The following ALOX12B variants were observed in gnomAD, a reference collection of about 807,000 sequenced individuals.
ALOX12B encodes arachidonate 12-lipoxygenase, 12R-type.
A neutral mutation model predicts 78.9 loss-of-function variants in ALOX12B; 47 were observed. The observed-to-expected ratio is 0.60, with a 90% CI of 0.47 to 0.76. The LOEUF is 0.76. Among genes scored for constraint, ALOX12B ranks in the 30% least tolerant of loss-of-function variants. The pLI is 0.00. For missense variants in ALOX12B, 805 were observed against 922.6 expected, an observed-to-expected ratio of 0.87 and a Z score of 1.65; for synonymous variants, 370 against 374.5, an observed-to-expected ratio of 0.99 and a Z score of 0.14.
At chr17:8,083,266 TAAA>T (rs1000301526) in intron 2 of ALOX12B, among the ~76,000 whole-genome samples, 1 of 152,162 alleles carries the variant, frequency 6.6e-6, no homozygotes, top group African/African-American at 2.4e-5. Flanking sequence ...AGCTTCTCAA[TAAA>T]ATCCGAATTT....
chr17:8,087,407 G>T lies in ALOX12B; in HGVS notation c.36C>A (p.Thr12=). ...AGTCCCGTGTTCCCGACAAGAGGTCGGTGCCTGTGGCCACCCTGACTTTGT... is the reference window on the plus strand; with the variant it reads ...AGTCCCGTGTTCCCGACAAGAGGTCTGTGCCTGTGGCCACCCTGACTTTGT... ...ATYKVRVATG[T]DLLSGTRDSI... Residue 12 remains threonine (T), a synonymous_variant, in exon 1 of 15, where the codon ACC becomes ACA. Coordinates refer to ENST00000647874, the MANE Select transcript of ALOX12B (RefSeq NM_001139.3). The T allele has an allele frequency of 1.2e-6, 2 of 1,614,186 alleles. No individual in the cohort carries two copies. The highest frequency in any genetic ancestry group is 1.7e-6 in the Non-Finnish European group (2 of 1,180,032).
In ALOX12B at chr17:8,072,700, T is replaced by G. The variant is rs1567980085; in HGVS notation, c.*71A>C. The G allele has an allele frequency of 6.3e-7, 1 of 1,595,232 alleles. No homozygotes were observed. The highest frequency in any genetic ancestry group is 2.2e-5 in the East Asian group (1 of 44,790). On this transcript the variant is annotated 3_prime_UTR_variant, in exon 15 of 15. Transcript: ENST00000647874. ...TGGTCTCTGAGGTTTTTGTGTTTTT[T>G]GCTTGTTTGTTTTGTTTTGTTGAAA...
At position 8,080,370 on chromosome 17, in the gene ALOX12B, A is replaced by T. The variant is rs1486853085; in HGVS notation, c.651-32T>A. 1.2e-6 allele frequency: 2 copies of T among 1,611,488 alleles called. No homozygotes were observed. Among genetic ancestry groups the T allele is most frequent in the Non-Finnish European group, 1.7e-6 (2 of 1,177,758 alleles). On this transcript the variant is annotated intron_variant, in intron 5 of 14. Transcript: ENST00000647874. This position sits in a 1 kb window ranked among gnomAD's most constrained non-coding sequence, Gnocchi z 4.8. ...GATGGGATTCCAGGAAGAGGCCTTC[A>T]GAGGGGCTGCCAAGCGCCGGCTGGG...
At position 8,073,645 on chromosome 17, in the gene ALOX12B, G is replaced by A; in HGVS notation, c.1755+12C>T. On this transcript the variant is annotated intron_variant, in intron 13 of 14. Transcript: ENST00000647874. ...CCTCGGGCTGGGCCTGGGTTGGTGA[G>A]ACCACCGGTACCTGGCCTGTGTTGA... 6.2e-7 allele frequency: 1 copy of A among 1,613,084 alleles called. No homozygotes were observed. Among genetic ancestry groups the A allele is most frequent in the Non-Finnish European group, 8.5e-7 (1 of 1,179,036 alleles).
Position 8,080,947 on chromosome 17 carries a change from C to G in ALOX12B, c.464G>C (p.Ser155Thr). ...HWRVFLPGLPSYVHIPSYRPP... is the reference protein window; with the variant it reads ...HWRVFLPGLPTYVHIPSYRPP... Reference sequence around the variant, plus strand: ...GCGGTAACTGGGAATGTGCACATAGCTGGGCAGGCCAGGAAGAAAGACTCG... The same window carrying G: ...GCGGTAACTGGGAATGTGCACATAGGTGGGCAGGCCAGGAAGAAAGACTCG... Residue 155 changes from serine to threonine, a missense_variant, in exon 4 of 15, where the codon AGC (serine) becomes ACC (threonine). Physicochemically the swap from Ser to Thr is moderately conservative, Grantham distance 58 (BLOSUM62 1). Transcript: ENST00000647874. The surrounding 1 kb of genome is among the most constrained non-coding windows in gnomAD (Gnocchi z 4.8). The G allele has an allele frequency of 6.2e-7, 1 of 1,613,908 alleles. No homozygotes were observed. The highest frequency in any genetic ancestry group is 1.1e-5 in the South Asian group (1 of 91,084).
In ALOX12B at chr17:8,086,149, C is replaced by T. The variant is rs1054260845; in HGVS notation, c.219G>A (p.Arg73=). ...ELIIIRLHKE[R]YAFFPKDPWY... ...AAGGGTCCTTGGGGAAGAAGGCGTA[C>T]CGCTCTTTGTGCAGGCGGATGATGA... is the stretch of plus-strand genomic sequence containing the variant. Residue 73 remains arginine, a synonymous_variant, in exon 2 of 15, where the codon CGG becomes CGA. Coordinates refer to ENST00000647874, the MANE Select transcript of ALOX12B (RefSeq NM_001139.3). The T allele has an allele frequency of 1.9e-6, 3 of 1,614,154 alleles. No individual in the cohort carries two copies. The highest frequency in any genetic ancestry group is 2.5e-6 in the Non-Finnish European group (3 of 1,180,020).
Position 8,086,089 on chromosome 17 carries a change from G to A in ALOX12B, c.279C>T (p.Asn93=), listed in dbSNP as rs778279426. ...YCNYVQICAP[N]GRIYHFPAYQ... Reference sequence around the variant, plus strand: ...AGGCGGGGAAGTGGTAGATACGGCCGTTGGGGGCACAGATCTGCACATAGT... The same window carrying A: ...AGGCGGGGAAGTGGTAGATACGGCCATTGGGGGCACAGATCTGCACATAGT... The change falls in exon 2 of 15, where the codon AAC becomes AAT. Residue 93 remains asparagine, a synonymous_variant. Transcript: ENST00000647874. 5.6e-6 allele frequency: 9 copies of A among 1,614,162 alleles called. No individual in the cohort carries two copies. In the Admixed American group the frequency reaches 8.3e-5, roughly 15 times the overall value.
intron 2 of ALOX12B, 134 bp downstream of exon 2, chr17:8,085,882 C>T (rs1420154026): frequency 4.0e-6 from 4 of 1,011,718 alleles, no homozygotes; most frequent in South Asian, 2.7e-5. Context: ...GTGACAGTGG[C>T]AGGAGAGCCC....
rs934212802 is a variant in ALOX12B, at chr17:8,086,299, C to G, written c.148-79G>C. ...GCCGCCCACCCCTCTGGCCCCTCAC[C>G]TAGGCCCTGCTCATGCTGCGCAATG... On this transcript the variant is annotated intron_variant, in intron 1 of 14. Transcript: ENST00000647874. The G allele has an allele frequency of 1.8e-5, 26 of 1,407,138 alleles. 1 individual carries two copies. The highest frequency in any genetic ancestry group is 6.9e-6 in the Non-Finnish European group (7 of 1,010,346). The allele number at this position is 1,407,138 out of a possible 1,614,324, so 87.2% of individuals were successfully genotyped here.
Position 8,087,641 on chromosome 17 carries a change from C to G in ALOX12B, c.-199G>C. The G allele has an allele frequency of 2.3e-6, 2 of 883,214 alleles. No homozygotes were observed. The highest frequency in any genetic ancestry group is 3.5e-6 in the Non-Finnish European group (2 of 575,794). 54.7% of individuals were successfully genotyped at this position (883,214 alleles called of 1,614,324 possible). On this transcript the variant is annotated 5_prime_UTR_variant, in exon 1 of 15. Transcript: ENST00000647874. ...TGGAAAAGCTGCTGCCCTTGGTGGCCGGGGTGGGTGCCGGGCAGGCCCAGG... is the reference window on the plus strand; with the variant it reads ...TGGAAAAGCTGCTGCCCTTGGTGGCGGGGGTGGGTGCCGGGCAGGCCCAGG...
chr17:8,087,705 T>C lies in ALOX12B; in HGVS notation c.-263A>G, dbSNP rs1598185506. 1.6e-5 allele frequency: 9 copies of C among 557,374 alleles called. No homozygotes were observed. The East Asian group carries it at 2.5e-4, about 15-fold the overall frequency. 34.5% of individuals were successfully genotyped at this position (557,374 alleles called of 1,614,324 possible). On this transcript the variant is annotated 5_prime_UTR_variant, in exon 1 of 15. Coordinates refer to ENST00000647874, the MANE Select transcript of ALOX12B (RefSeq NM_001139.3). ...GTGGTGAGTGAGCAGGTGTCTGGGC[T>C]CCAAGCCTTCTGGGAGCTGGTGGGG...
rs546922801 is a variant in ALOX12B at position 8,077,105 on chromosome 17, T to C, written c.1160A>G (p.Tyr387Cys). Reference protein sequence around the residue: ...DWLLAKTWVRYAEFYSHEAIA... With the variant: ...DWLLAKTWVRCAEFYSHEAIA... ...GGCCTCGTGGCTGTAGAACTCCGCA[T>C]AGCGTACCCACGTCTTGGCTAGCAG... The change falls in exon 9 of 15, where the codon TAT (tyrosine) becomes TGT (cysteine). Residue 387 changes from tyrosine (Y) to cysteine (C), a missense_variant. Transcript: ENST00000647874. 3.2e-5 allele frequency: 51 copies of C among 1,613,986 alleles called. No individual in the cohort carries two copies. Among genetic ancestry groups the C allele is most frequent in the Non-Finnish European group, 4.2e-5 (49 of 1,180,004 alleles).
At chr17:8,073,782 G>A in intron 12 of ALOX12B, 25 bp from the exon 13 acceptor site, 1 of 1,593,456 alleles carries the variant, frequency 6.3e-7, no homozygotes, top group South Asian at 1.1e-5. Context: ...AAAAGCCCAG[G>A]CGACATCAGT....
chr17:8,085,996 G>A lies in ALOX12B; in HGVS notation c.352+20C>T. 1 of 1,612,948 alleles carries A rather than the reference G, an allele frequency of 6.2e-7. No homozygotes were observed. The highest frequency in any genetic ancestry group is 8.5e-7 in the Non-Finnish European group (1 of 1,179,040). On this transcript the variant is annotated intron_variant, in intron 2 of 14. Transcript: ENST00000647874. ...AGAGGCCTCACGGCCATAGGATGGA[G>A]CAGGGTGATGAGGGCTTACCTGTGG...
At position 8,076,666 on chromosome 17, in the gene ALOX12B, G is replaced by C. The variant is rs1421511538; in HGVS notation, c.1353C>G (p.Leu451=). ...GGGGCAGAAGTCTTACCTTGGCAGA[G>C]AGCCCCCCCTCATTGAGGAGAACGG... is the stretch of plus-strand genomic sequence containing the variant. The part of the protein sequence containing the change: ...GRAVLLNEGG[L]SAKGMSLGVE... Residue 451 remains leucine (L), a synonymous_variant, in exon 10 of 15, where the codon CTC becomes CTG. Coordinates refer to ENST00000647874, the MANE Select transcript of ALOX12B (RefSeq NM_001139.3). 1.3e-6 allele frequency: 2 copies of C among 1,551,442 alleles called. No individual in the cohort carries two copies.
intron 13 of ALOX12B, 126 bp from the exon 14 acceptor site, chr17:8,073,444 C>T (rs1977023004): frequency 2.6e-6 from 3 of 1,161,780 alleles, no homozygotes; most frequent in Non-Finnish European, 3.7e-6. Flanking sequence ...TGAGGCTGGG[C>T]TGGGTTGGTT....
At chr17:8,074,439 G>T (rs1276658598) in intron 12 of ALOX12B, among the ~76,000 whole-genome samples, 1 of 151,746 alleles carries the variant, frequency 6.6e-6, no homozygotes, top group African/African-American at 2.4e-5. Flanking sequence ...CTGAAACGTG[G>T]AGTCGCCCTT....
chr17:8,078,676 G>T (rs949656379), intron 8 of ALOX12B, among the ~76,000 whole-genome samples: 12 of 152,136 alleles, frequency 7.9e-5, no homozygotes, highest in African/African-American at 2.9e-4. Context: ...GACCAAGACA[G>T]CAAGCAGGTG....
rs369944909 is a variant in ALOX12B at position 8,080,170 on chromosome 17, G to T, written c.754+65C>A. ...CCGTCCCACTGCCCCGAAGTCGGGG[G>T]CCTGCCTAGCACGCCGGAGACCGCC... is the stretch of plus-strand genomic sequence containing the variant. On this transcript the variant is annotated intron_variant, in intron 6 of 14. Transcript: ENST00000647874. This position sits in a 1 kb window ranked among gnomAD's most constrained non-coding sequence, Gnocchi z 4.8. The T allele has an allele frequency of 1.3e-5, 20 of 1,565,338 alleles. No individual in the cohort carries two copies. The African/African-American group carries it at 1.9e-4, about 15-fold the overall frequency.
Sources: allele counts gnomAD v4.1 joint callset (sites outside exome capture counted in the v4.1 genomes callset), GRCh38; gene constraint gnomAD v4.1.1; non-coding constraint Gnocchi (gnomAD v3.1); transcripts MANE v1.5; gene names NCBI Gene and HGNC (gene_info 2026-07-23, HGNC 2026-07-21).